Variants in TK1 observed in about 807,000 individuals in gnomAD.
TK1 encodes thymidine kinase 1, also known as thymidine kinase, cytosolic.
A neutral mutation model predicts 22.4 loss-of-function variants in TK1; 13 were observed. The ratio of observed to expected loss-of-function variants is 0.58; its 90% CI spans 0.38 to 0.92. The LOEUF (loss-of-function observed/expected upper bound fraction) is 0.92, where lower values mean the gene tolerates loss of function less well. TK1 is among the 40% of genes least tolerant of loss of function. The pLI, the probability that TK1 is intolerant of heterozygous loss-of-function variation, is 0.00. For synonymous variants in TK1, 134 were observed against 125.4 expected, an observed-to-expected ratio of 1.07 and a Z score of -0.46; for missense variants, 251 against 315.7, an observed-to-expected ratio of 0.80 and a Z score of 1.55.
chr17:78,175,436 A>G, intron 5 of TK1, 93 bp downstream of exon 5: 1 of 1,315,026 alleles, frequency 7.6e-7, no homozygotes, highest in Non-Finnish European at 1.1e-6. Context: ...GTGGTGGCTG[A>G]GCCCTGGTCA....
In TK1 at chr17:78,182,675, T is replaced by C. The variant is rs2075746452; in HGVS notation, c.217A>G (p.Met73Val). ...AGCAGGCAGGCGGGCAGTGCCTCCA[T>C]GGTGTTCCTGGGAAGAGAAAGCCAG... Reference protein sequence around the residue: ...SSFCTHDRNTMEALPACLLRD... With the variant: ...SSFCTHDRNTVEALPACLLRD... The change falls in exon 4 of 7, where the codon ATG becomes GTG. Residue 73 changes from methionine to valine, a missense_variant. Met to Val is a conservative substitution (Grantham distance 21). Transcript: ENST00000301634. 2 of 1,575,928 alleles carry C rather than the reference T, an allele frequency of 1.3e-6. No homozygotes were observed. The highest frequency in any genetic ancestry group is 1.7e-6 in the Non-Finnish European group (2 of 1,164,948).
chr17:78,176,754 C>T (rs1412243858), intron 4 of TK1, among the ~76,000 whole-genome samples: 1 of 152,230 alleles, frequency 6.6e-6, no homozygotes, highest in South Asian at 2.1e-4. Context: ...GCTGCCATGG[C>T]TGCCATTTGA....
At position 78,182,624 on chromosome 17, in the gene TK1, C is replaced by T. The variant is rs1230080023; in HGVS notation, c.268G>A (p.Gly90Ser). 1 of 1,595,660 alleles carries T rather than the reference C, an allele frequency of 6.3e-7. No homozygotes were observed. The highest frequency in any genetic ancestry group is 8.5e-7 in the Non-Finnish European group (1 of 1,172,150). ...LLRDVAQEAL[G>S]VAVIGIDEGQ... ...TCGTCGATGCCTATGACAGCCACGC[C>T]CAGGGCCTCCTGGGCCACGTCTCGG... is the stretch of plus-strand genomic sequence containing the variant. Residue 90 changes from glycine to serine, a missense_variant, in exon 4 of 7, where the codon GGC becomes AGC. Coordinates refer to ENST00000301634, the MANE Select transcript of TK1 (RefSeq NM_003258.5).
chr17:78,175,375 C>T (rs1297513236), intron 5 of TK1, among the ~76,000 whole-genome samples, 154 bp downstream of exon 5: 1 of 152,060 alleles, frequency 6.6e-6, no homozygotes, highest in Non-Finnish European at 1.5e-5. Flanking sequence ...TCTGCACAGA[C>T]CATGGAGTCC....
intron 3 of TK1, among the ~76,000 whole-genome samples, chr17:78,183,336 A>T (rs1243601335): frequency 6.6e-6 from 1 of 152,212 alleles, no homozygotes; most frequent in African/African-American, 2.4e-5. Context: ...AGAAGAATGA[A>T]TAACTAGAAC....
chr17:78,184,922 A>C (rs1166055582), intron 3 of TK1, 133 bp downstream of exon 3: 2 of 717,416 alleles, frequency 2.8e-6, no homozygotes, highest in African/African-American at 3.5e-5. Flanking sequence ...CTTGCCAAGC[A>C]CCTTGGAAAG....
At chr17:78,175,315 C>G (rs1172419088) in intron 5 of TK1, 146 bp from the exon 6 acceptor site, 39 of 1,291,194 alleles carry the variant, frequency 3.0e-5, no homozygotes. Context: ...CCATGCCCGG[C>G]TCTGTCCCTT....
At chr17:78,183,248 G>A (rs1045104831) in intron 3 of TK1, among the ~76,000 whole-genome samples, 2 of 152,140 alleles carry the variant, frequency 1.3e-5, no homozygotes, top group East Asian at 3.8e-4. Flanking sequence ...GGAGCTGGGG[G>A]CAGACTAGGC....
chr17:78,185,786 T>G (rs1290384416), intron 2 of TK1, among the ~76,000 whole-genome samples: 1 of 152,150 alleles, frequency 6.6e-6, no homozygotes, highest in Non-Finnish European at 1.5e-5. Context: ...CACCTCAGCC[T>G]TCCAAAGCGC....
At chr17:78,176,303 CATCA>C (rs1009396839) in intron 4 of TK1, among the ~76,000 whole-genome samples, 7 of 151,858 alleles carry the variant, frequency 4.6e-5, no homozygotes, top group South Asian at 2.1e-4. Context: ...TGGTGATTCT[CATCA>C]ATCAATCATA....
intron 4 of TK1, chr17:78,179,265 A>T (rs2075722222): frequency 2.0e-6 from 2 of 985,346 alleles, no homozygotes; most frequent in South Asian, 4.7e-5. Context: ...CCCTGGATGC[A>T]TTCTGAGGCC....
At chr17:78,179,059 T>C (rs1421188629) in intron 4 of TK1, 1 of 664,126 alleles carries the variant, frequency 1.5e-6, no homozygotes, top group Non-Finnish European at 1.9e-6. Flanking sequence ...TCAGGGCATT[T>C]GGATGTCGAG....
intron 4 of TK1, chr17:78,179,401 G>C: frequency 1.0e-6 from 1 of 985,438 alleles, no homozygotes; most frequent in Non-Finnish European, 1.2e-6. Context: ...GCATGGGGGT[G>C]CTCAGGGGCG....
At chr17:78,186,128 C>G (rs1466861475) in intron 2 of TK1, among the ~76,000 whole-genome samples, 16 of 147,256 alleles carry the variant, frequency 1.1e-4, no homozygotes, top group African/African-American at 4.1e-4. Flanking sequence ...TGGGTGGAGG[C>G]GGGGGGGTGC....
At chr17:78,183,601 C>T (rs1029314564) in intron 3 of TK1, among the ~76,000 whole-genome samples, 5 of 152,024 alleles carry the variant, frequency 3.3e-5, no homozygotes, top group African/African-American at 9.7e-5. Context: ...TGAGGTGGGA[C>T]GATCACTTGA....
At chr17:78,181,030 C>T (rs2075734024) in intron 4 of TK1, among the ~76,000 whole-genome samples, 1 of 152,210 alleles carries the variant, frequency 6.6e-6, no homozygotes, top group Non-Finnish European at 1.5e-5. Context: ...ATGCGGATCA[C>T]CTGAGGTCAG....
Position 78,187,029 on chromosome 17 carries a change from T to G in TK1, c.-35A>C. The G allele has an allele frequency of 6.3e-7, 1 of 1,583,150 alleles. No homozygotes were observed. The highest frequency in any genetic ancestry group is 8.6e-7 in the Non-Finnish European group (1 of 1,162,940). ...GGGAAGTTCACGAACCCGAGTACTCTCCAAGGCCGTCCCGCAGTAAGCCCC... is the reference window on the plus strand; with the variant it reads ...GGGAAGTTCACGAACCCGAGTACTCGCCAAGGCCGTCCCGCAGTAAGCCCC... On this transcript the variant is annotated 5_prime_UTR_variant, in exon 1 of 7. Coordinates refer to ENST00000301634, the MANE Select transcript of TK1 (RefSeq NM_003258.5).
At chr17:78,179,404 C>T (rs1209663281) in intron 4 of TK1, 1 of 985,306 alleles carries the variant, frequency 1.0e-6, no homozygotes, top group Non-Finnish European at 1.2e-6. Context: ...TGGGGGTGCT[C>T]AGGGGCGCAC....
intron 4 of TK1, among the ~76,000 whole-genome samples, 184 bp downstream of exon 4, chr17:78,182,405 C>A (rs1442769228): frequency 6.6e-6 from 1 of 150,696 alleles, no homozygotes; most frequent in Non-Finnish European, 1.5e-5. Flanking sequence ...ACGAATCCTA[C>A]AAGACTATGA....
Sources: gnomAD v4.1 joint callset for allele counts (sites outside exome capture counted in the v4.1 genomes callset) on GRCh38, gnomAD v4.1.1 for gene constraint, MANE v1.5 for transcripts, NCBI Gene and HGNC (gene_info 2026-07-23, HGNC 2026-07-21) for gene names.